Variants in ZEB1 observed in about 807,000 individuals in gnomAD.
The protein encoded by ZEB1 is zinc finger E-box binding homeobox 1, also known as zinc finger E-box-binding homeobox 1.
In ZEB1, 21 loss-of-function variants were observed where a neutral mutation model predicts 84.9. The ratio of observed to expected loss-of-function variants is 0.25; its 90% CI spans 0.18 to 0.36. The LOEUF is 0.36. ZEB1 is among the 10% of genes least tolerant of loss of function. ZEB1 has a pLI of 1.00. For missense variants in ZEB1, 1,104 were observed against 1,330.2 expected (o/e 0.83, Z 2.65); for synonymous variants, 420 against 471.1 (o/e 0.89, Z 1.41).
rs1035424862 is a variant in ZEB1 at position 31,521,606 on chromosome 10, G to A, written c.2274G>A (p.Gln758=). ...GGTCAACTATCACTAGTGTTTACCA[G>A]AACAGTGTTTATTCTGTCCAGGAAG... is the stretch of plus-strand genomic sequence containing the variant. The part of the protein sequence containing the change: ...LERSTITSVY[Q]NSVYSVQEEP... The change falls in exon 7 of 9, where the codon CAG becomes CAA. Residue 758 remains glutamine (Q), a synonymous_variant. Transcript: ENST00000424869. 4 of 1,614,098 alleles carry A rather than the reference G, an allele frequency of 2.5e-6. No individual in the cohort carries two copies. The Middle Eastern group carries it at 4.9e-4, about 200-fold the overall frequency.
intron 1 of ZEB1, among the ~76,000 whole-genome samples, chr10:31,444,490 T>C (rs1429133122): frequency 1.3e-5 from 2 of 151,946 alleles, no homozygotes; most frequent in East Asian, 3.9e-4. Flanking sequence ...TCCTTGCCCA[T>C]GCCTATGTCC....
intron 1 of ZEB1, among the ~76,000 whole-genome samples, chr10:31,413,538 A>G (rs1436838441): frequency 6.6e-6 from 1 of 152,114 alleles, no homozygotes; most frequent in Non-Finnish European, 1.5e-5. Context: ...AGCAAAACCT[A>G]TTGGACAAAG....
At chr10:31,325,245 A>G (rs555094600) in intron 1 of ZEB1, among the ~76,000 whole-genome samples, 9 of 152,190 alleles carry the variant, frequency 5.9e-5, no homozygotes, top group Admixed American at 2.6e-4. Flanking sequence ...TTGTTAAAGC[A>G]TATTTTTGGA....
intron 1 of ZEB1, chr10:31,321,428 G>A (rs1444409769): frequency 6.2e-7 from 1 of 1,612,750 alleles, no homozygotes; most frequent in Non-Finnish European, 8.5e-7. Context: ...TTATAGCAAG[G>A]AGTGGAGCAT....
intron 1 of ZEB1, among the ~76,000 whole-genome samples, chr10:31,432,592 AT>A (rs1306593272): frequency 2.0e-5 from 3 of 151,528 alleles, no homozygotes; most frequent in African/African-American, 4.8e-5. Flanking sequence ...CCCTGTCTCA[AT>A]TTTTTTTTAA....
At chr10:31,337,060 G>C (rs2038242579) in intron 1 of ZEB1, among the ~76,000 whole-genome samples, 1 of 151,876 alleles carries the variant, frequency 6.6e-6, no homozygotes, top group African/African-American at 2.4e-5. Context: ...ATAAATAATA[G>C]GATAAGTAAA....
chr10:31,360,442 A>C (rs558572181), intron 1 of ZEB1, among the ~76,000 whole-genome samples: 1 of 152,346 alleles, frequency 6.6e-6, no homozygotes, highest in South Asian at 2.1e-4. Flanking sequence ...TTATACTTTA[A>C]GATAAATGAC....
intron 1 of ZEB1, among the ~76,000 whole-genome samples, chr10:31,453,172 T>TAA (rs1458119595): frequency 6.6e-6 from 1 of 152,150 alleles, no homozygotes; most frequent in African/African-American, 2.4e-5. Context: ...ATTAAAGGCA[T>TAA]AACATAATAA....
intron 1 of ZEB1, among the ~76,000 whole-genome samples, chr10:31,411,806 CAA>C (rs2054343389): frequency 6.6e-6 from 1 of 152,082 alleles, no homozygotes; most frequent in African/African-American, 2.4e-5. Context: ...GTTTACTGCA[CAA>C]TCCAACTAAA....
intron 2 of ZEB1, among the ~76,000 whole-genome samples, chr10:31,481,320 T>C (rs1346735283): frequency 6.6e-6 from 1 of 152,038 alleles, no homozygotes; most frequent in Middle Eastern, 3.2e-3. Flanking sequence ...TTCCAAGCCC[T>C]GCCTACTAAC....
intron 1 of ZEB1, among the ~76,000 whole-genome samples, chr10:31,418,627 C>T (rs551629996): frequency 1.3e-5 from 2 of 151,856 alleles, no homozygotes; most frequent in South Asian, 4.2e-4. Flanking sequence ...TGTTAGTTTC[C>T]TTGGTTGCTT....
chr10:31,457,981 A>T (rs924845183), intron 1 of ZEB1, among the ~76,000 whole-genome samples: 3 of 152,154 alleles, frequency 2.0e-5, no homozygotes, highest in African/African-American at 7.2e-5. Context: ...GAATGGCATC[A>T]GCATAAAACC....
At chr10:31,525,465 G>T (rs2073245454) in intron 8 of ZEB1, among the ~76,000 whole-genome samples, 1 of 152,154 alleles carries the variant, frequency 6.6e-6, no homozygotes, top group South Asian at 2.1e-4. Context: ...CAGAATTCCT[G>T]AAAATTTAGC....
intron 1 of ZEB1, among the ~76,000 whole-genome samples, chr10:31,377,044 G>T (rs2046759933): frequency 6.7e-6 from 1 of 148,660 alleles, no homozygotes; most frequent in Non-Finnish European, 1.5e-5. Context: ...TCACTCAAAG[G>T]CTTTCTAGAG....
Position 31,370,337 on chromosome 10 carries a change from G to C in ZEB1, c.58+51045G>C, listed in dbSNP as rs116248216. On this transcript the variant is annotated intron_variant, in intron 1 of 8. Transcript: ENST00000424869. ...AGAAAAATAGATGTGATGGCCGGGC[G>C]CAGTGGTTCACGCCTGTAATCCCAG... is the stretch of plus-strand genomic sequence containing the variant. 5.6e-3 allele frequency among the ~76,000 whole-genome samples: 849 copies of C among 152,234 alleles called. 13 individuals are homozygous for C. Among genetic ancestry groups the C allele is most frequent in the African/African-American group, 0.02 (814 of 41,532 alleles).
chr10:31,519,186 T>C lies in ZEB1; in HGVS notation c.794-940T>C, dbSNP rs141654529. On this transcript the variant is annotated intron_variant, in intron 6 of 8. Transcript: ENST00000424869. ...CAAGCCTCAGAGGCTCCTGCCTTAC[T>C]GAAGCTTATAGTCTGTAACCTTTAA... Among the ~76,000 whole-genome samples, 4 of 152,344 alleles carry C rather than the reference T, an allele frequency of 2.6e-5. No homozygotes were observed. The East Asian group carries it at 7.7e-4, about 29-fold the overall frequency.
intron 4 of ZEB1, among the ~76,000 whole-genome samples, chr10:31,503,622 T>C (rs1169922254): frequency 6.6e-6 from 1 of 152,062 alleles, no homozygotes; most frequent in East Asian, 1.9e-4. Flanking sequence ...GTTCTATTTT[T>C]AGTTTTTTTT....
In ZEB1 at chr10:31,362,781, G is replaced by A. The variant is rs1462485091; in HGVS notation, c.58+43489G>A. On this transcript the variant is annotated intron_variant, in intron 1 of 8. Transcript: ENST00000424869. ...TTGATCTCCTGATCCGCCCGCCTGGGCCTCCCAAAGTGCTGGATTACAGGC... is the reference window on the plus strand; with the variant it reads ...TTGATCTCCTGATCCGCCCGCCTGGACCTCCCAAAGTGCTGGATTACAGGC... 2.9e-6 allele frequency: 2 copies of A among 682,524 alleles called. 1 individual carries two copies. The highest frequency in any genetic ancestry group is 4.2e-5 in the Admixed American group (2 of 47,858). The allele number at this position is 682,524 out of a possible 1,614,324, so 42.3% of individuals were successfully genotyped here. A position where few individuals can be genotyped will look rare whatever the true frequency, so the allele number is the denominator to read the frequency against.
intron 1 of ZEB1, among the ~76,000 whole-genome samples, chr10:31,450,181 A>G (rs2060379033): frequency 6.6e-6 from 1 of 152,268 alleles, no homozygotes; most frequent in South Asian, 2.1e-4. Context: ...TTATGACACA[A>G]AATCATTCTA....
Sources: gnomAD v4.1 joint callset for allele counts (sites outside exome capture counted in the v4.1 genomes callset) on GRCh38, gnomAD v4.1.1 for gene constraint, MANE v1.5 for transcripts, NCBI Gene and HGNC (gene_info 2026-07-23, HGNC 2026-07-21) for gene names.